Variants in SCAPER observed in about 807,000 individuals in gnomAD.
The protein encoded by SCAPER is S-phase cyclin A associated protein in the ER.
Under a neutral mutation model 182.2 loss-of-function variants are expected in SCAPER, and 98 were observed. The ratio of observed to expected loss-of-function variants is 0.54; its 90% CI spans 0.46 to 0.64. The LOEUF is 0.64. SCAPER is among the 30% of genes least tolerant of loss of function. The pLI, the probability that SCAPER is intolerant of heterozygous loss-of-function variation, is 0.00. For missense variants in SCAPER, 1,432 were observed against 1,690.0 expected, an observed-to-expected ratio of 0.85 and a Z score of 2.68; for synonymous variants, 605 against 564.6, an observed-to-expected ratio of 1.07 and a Z score of -1.01.
chr15:76,504,037 C>A (rs1028479953), intron 24 of SCAPER, among the ~76,000 whole-genome samples: 10 of 151,940 alleles, frequency 6.6e-5, no homozygotes, highest in Non-Finnish European at 1.5e-4. Context: ...CAGGTGTGTG[C>A]CACTATGCCT....
At chr15:76,884,003 T>TTACC in intron 1 of SCAPER, 127 bp from the exon 2 acceptor site, 1 of 541,384 alleles carries the variant, frequency 1.8e-6, no homozygotes, top group Non-Finnish European at 3.2e-6. Flanking sequence ...CTCCTTTATA[T>TTACC]TACCTGTTGG....
intron 23 of SCAPER, among the ~76,000 whole-genome samples, chr15:76,555,769 CATA>C (rs921034129): frequency 2.6e-5 from 4 of 152,100 alleles, no homozygotes; most frequent in Middle Eastern, 3.4e-3. Context: ...AAGAAACTTA[CATA>C]ATAATGGTGG....
intron 20 of SCAPER, among the ~76,000 whole-genome samples, chr15:76,695,643 T>C (rs961495743): frequency 6.6e-6 from 1 of 152,006 alleles, no homozygotes; most frequent in African/African-American, 2.4e-5. Context: ...TTAAATATTT[T>C]TCCTTGACCT....
At chr15:76,876,130 C>T (rs2073140273) in intron 2 of SCAPER, among the ~76,000 whole-genome samples, 3 of 152,214 alleles carry the variant, frequency 2.0e-5, no homozygotes. Flanking sequence ...CAAGCCCACG[C>T]CCATCAGGAA....
intron 27 of SCAPER, among the ~76,000 whole-genome samples, chr15:76,393,074 A>C (rs1291983661): frequency 6.6e-6 from 1 of 152,170 alleles, no homozygotes. Flanking sequence ...CATTCCTTCA[A>C]GTAACTAGGG....
intron 8 of SCAPER, among the ~76,000 whole-genome samples, chr15:76,778,062 T>C (rs2151361806): frequency 6.6e-6 from 1 of 152,282 alleles, no homozygotes; most frequent in East Asian, 1.9e-4. Context: ...AGATTCAGCA[T>C]GGATACTCAA....
In SCAPER at chr15:76,517,523, TG is replaced by T. The variant is rs1276199565; in HGVS notation, c.2839-12550del. On this transcript the variant is annotated intron_variant, in intron 23 of 31. Coordinates refer to ENST00000563290, the MANE Select transcript of SCAPER (RefSeq NM_020843.4). ...TGCCACTACACCCGGCTAATTTTTT[TG>T]TATTTTTAGTAGAGATGGGGTTTCA... 9.2e-5 allele frequency among the ~76,000 whole-genome samples: 14 copies of T among 152,066 alleles called. No individual in the cohort carries two copies. In the South Asian group the frequency reaches 2.9e-3, roughly 32 times the overall value.
chr15:76,508,704 C>G (rs1399845825), intron 23 of SCAPER, among the ~76,000 whole-genome samples: 1 of 151,998 alleles, frequency 6.6e-6, no homozygotes, highest in African/African-American at 2.4e-5. Flanking sequence ...AAATTTAATT[C>G]AGGTATATCT....
intron 22 of SCAPER, among the ~76,000 whole-genome samples, chr15:76,589,071 C>T (rs1391394757): frequency 2.0e-5 from 3 of 152,090 alleles, no homozygotes; most frequent in South Asian, 4.2e-4. Flanking sequence ...GGTATCTGCA[C>T]AGATATCTCT....
chr15:76,695,545 C>G (rs555709722), intron 20 of SCAPER, among the ~76,000 whole-genome samples: 1 of 149,054 alleles, frequency 6.7e-6, no homozygotes, highest in African/African-American at 2.5e-5. Flanking sequence ...TGCAGTGAGC[C>G]GAGATCAAGC....
At chr15:76,862,086 T>A in intron 3 of SCAPER, 1 of 176,622 alleles carries the variant, frequency 5.7e-6, no homozygotes, top group Admixed American at 6.1e-5. Flanking sequence ...GTGGGGATTA[T>A]GGGGATTATA....
At chr15:76,528,776 G>A (rs1028692942) in intron 23 of SCAPER, among the ~76,000 whole-genome samples, 4 of 152,116 alleles carry the variant, frequency 2.6e-5, no homozygotes, top group Non-Finnish European at 2.9e-5. Flanking sequence ...TTCCTTCAGT[G>A]GCTCTCACTG....
chr15:76,424,838 G>T (rs899918924), intron 26 of SCAPER, among the ~76,000 whole-genome samples: 7 of 152,172 alleles, frequency 4.6e-5, no homozygotes, highest in Non-Finnish European at 8.8e-5. Context: ...CTCAGCATTT[G>T]CTTGTCTGTA....
chr15:76,613,028 C>T (rs1311867699), intron 22 of SCAPER, among the ~76,000 whole-genome samples: 1 of 152,204 alleles, frequency 6.6e-6, no homozygotes, highest in Non-Finnish European at 1.5e-5. Flanking sequence ...AACTATACTA[C>T]AGGGCTACAG....
rs1320218808 is a variant in SCAPER at position 76,462,260 on chromosome 15, C to A, written c.3078+8952G>T. Among the ~76,000 whole-genome samples, 10 of 152,304 alleles carry A rather than the reference C, an allele frequency of 6.6e-5. No homozygotes were observed. In the East Asian group the frequency reaches 1.9e-3, roughly 29 times the overall value. On this transcript the variant is annotated intron_variant, in intron 25 of 31. Transcript: ENST00000563290. The stretch of plus-strand genomic sequence containing the variant: ...TCCAAGTGACTATTCCCATCAGGAT[C>A]TGCTTTTCATTGGTCCTTAGTACTT...
intron 23 of SCAPER, among the ~76,000 whole-genome samples, chr15:76,569,352 T>C (rs1171612384): frequency 6.6e-6 from 1 of 152,176 alleles, no homozygotes; most frequent in South Asian, 2.1e-4. Context: ...AATTTTCCAA[T>C]GTTAAAGCAA....
chr15:76,508,819 G>A (rs1567305202), intron 23 of SCAPER, among the ~76,000 whole-genome samples: 1 of 152,236 alleles, frequency 6.6e-6, no homozygotes, highest in East Asian at 1.9e-4. Flanking sequence ...GTTCCCCCAT[G>A]CTCCTTGTAT....
chr15:76,351,262 C>T lies in SCAPER; in HGVS notation c.4074G>A (p.Ala1358=), dbSNP rs748597959. ...IQDLAQTPGQ[A]ENQPYQPKGK... ...CTTTGGGTTGGTAAGGCTGGTTTTC[C>T]GCTTGACCTGGAGTCTGTGCCAAAT... Residue 1358 remains alanine (A), a synonymous_variant, in exon 31 of 32, where the codon GCG becomes GCA. Coordinates refer to ENST00000563290, the MANE Select transcript of SCAPER (RefSeq NM_020843.4). The T allele has an allele frequency of 3.6e-5, 58 of 1,609,710 alleles. No homozygotes were observed. The highest frequency in any genetic ancestry group is 1.1e-4 in the South Asian group (10 of 90,010).
At chr15:76,841,630 G>A (rs2069491329) in intron 5 of SCAPER, 104 bp downstream of exon 5, 1 of 1,198,516 alleles carries the variant, frequency 8.3e-7, no homozygotes, top group South Asian at 1.5e-5. Context: ...CTGGGCGACA[G>A]AGCAAAACTC....
Sources: gnomAD v4.1 joint callset for allele counts (sites outside exome capture counted in the v4.1 genomes callset) on GRCh38, gnomAD v4.1.1 for gene constraint, MANE v1.5 for transcripts, NCBI Gene and HGNC (gene_info 2026-07-23, HGNC 2026-07-21) for gene names.